NBPF26: variants seen among roughly 807,000 people sequenced by gnomAD.
NBPF26 encodes the protein NBPF member 26, also known as NBPF family member NBPF26.
In NBPF26, 79 loss-of-function variants were observed where a neutral mutation model predicts 119.6. That is an observed-to-expected ratio of 0.66 (90% confidence interval 0.55 to 0.80). The LOEUF is 0.80. Among genes scored for constraint, NBPF26 ranks in the 30% least tolerant of loss-of-function variants. NBPF26 has a pLI of 0.00. For missense variants in NBPF26, 800 were observed against 1,198.2 expected, an observed-to-expected ratio of 0.67 and a Z score of 4.91; for synonymous variants, 299 against 457.7, an observed-to-expected ratio of 0.65 and a Z score of 4.43.
At chr1:120,801,476 A>G (rs1235167789) in intron 4 of NBPF26, among the ~76,000 whole-genome samples, 2 of 96,014 alleles carry the variant, frequency 2.1e-5, no homozygotes, top group African/African-American at 1.4e-4. Context: ...AATAACAGTA[A>G]TAAAGCAAGG....
chr1:120,823,063 A>G (rs2101535182), intron 16 of NBPF26, among the ~76,000 whole-genome samples: 1 of 121,048 alleles, frequency 8.3e-6, no homozygotes, highest in Admixed American at 8.0e-5. Context: ...GTGTACATAA[A>G]CCTAGGACAG....
rs1557993970 is a variant in NBPF26, at chr1:120,840,236, G to C, written c.4104-114G>C. Reference sequence around the variant, plus strand: ...TAAATTTTTTTTTTACCTCATTAATGGATCTATCCTTTTTCTTTTCTAACC... The same window carrying C: ...TAAATTTTTTTTTTACCTCATTAATCGATCTATCCTTTTTCTTTTCTAACC... On this transcript the variant is annotated intron_variant, in intron 29 of 29. Transcript: ENST00000620612. 13 of 1,389,360 alleles carry C rather than the reference G, an allele frequency of 9.4e-6. 2 individuals carry two copies. The highest frequency in any genetic ancestry group is 2.9e-5 in the African/African-American group (1 of 34,718). The allele number at this position is 1,389,360 out of a possible 1,614,324, so 86.1% of individuals were successfully genotyped here. A position where few individuals can be genotyped will look rare whatever the true frequency, so the allele number is the denominator to read the frequency against.
downstream of NBPF26, among the ~76,000 whole-genome samples, chr1:120,842,136 C>T (rs1475601160): frequency 9.1e-6 from 1 of 109,558 alleles, no homozygotes; most frequent in Admixed American, 8.9e-5. Flanking sequence ...TTGTTTTTTA[C>T]ATTCAGTGTT....
intron 1 of NBPF26, among the ~76,000 whole-genome samples, chr1:120,755,891 T>C (rs1288233540): frequency 1.2e-5 from 1 of 86,050 alleles, no homozygotes; most frequent in African/African-American, 8.7e-5. Flanking sequence ...CATAAATCCT[T>C]GGAACACTAT....
In NBPF26 at chr1:120,840,492, G is replaced by T. The variant is rs1553273522; in HGVS notation, c.4246G>T (p.Glu1416Ter). ...AAGTGTGTTTTACTCATTTGAGGAA[G>T]AGCATATCAGCTTCGCCCTTTACGT... The change falls in exon 30 of 30, where the codon GAG becomes TAG. Residue 1416 changes from glutamate (E) to a stop codon, truncating the protein, a stop_gained. Transcript: ENST00000620612. LOFTEE classifies it low-confidence loss of function (END_TRUNC). 2 of 1,479,012 alleles carry T rather than the reference G, an allele frequency of 1.4e-6. No homozygotes were observed. Among genetic ancestry groups the T allele is most frequent in the East Asian group, 4.5e-5 (2 of 44,436 alleles). 91.6% of individuals were successfully genotyped at this position (1,479,012 alleles called of 1,614,324 possible).
At position 120,823,703 on chromosome 1, in the gene NBPF26, C is replaced by A. The variant is rs1391905159; in HGVS notation, c.2640-271C>A. On this transcript the variant is annotated intron_variant, in intron 17 of 29. Coordinates refer to ENST00000620612, the Ensembl canonical transcript of NBPF26. ...CCTGAGAGCACAAATACAGAGTGTC[C>A]TTTGACTCCCTCATCAGTGTGTCAC... Among the ~76,000 whole-genome samples, 5 of 117,222 alleles carry A rather than the reference C, an allele frequency of 4.3e-5. 1 individual carries two copies. The highest frequency in any genetic ancestry group is 8.5e-5 in the Non-Finnish European group (5 of 58,764). 76.9% of individuals were successfully genotyped at this position (117,222 alleles called of 152,430 possible). A position where few individuals can be genotyped will look rare whatever the true frequency, so the allele number is the denominator to read the frequency against.
At chr1:120,832,612 G>C (rs1482246902) in intron 22 of NBPF26, among the ~76,000 whole-genome samples, 12 of 121,078 alleles carry the variant, frequency 9.9e-5, no homozygotes, top group Non-Finnish European at 1.1e-4. Flanking sequence ...TAAAAATATG[G>C]CATAACTGTT....
chr1:120,759,056 G>C (rs1313054958), intron 1 of NBPF26, among the ~76,000 whole-genome samples: 1 of 102,072 alleles, frequency 9.8e-6, no homozygotes, highest in Non-Finnish European at 1.8e-5. Context: ...CCTGAGGACA[G>C]GGAGTTTATT....
chr1:120,805,716 T>C lies in NBPF26; in HGVS notation c.912T>C (p.Cys304=). The change falls in exon 5 of 30, where the codon TGT becomes TGC. Residue 304 remains cysteine (C), a synonymous_variant. Coordinates refer to ENST00000620612, the Ensembl canonical transcript of NBPF26. ...AGTTGAGAAACCTCAAAGAGAAATGTTTTCTAACTCAACTGGCCGGCTTCC... is the reference window on the plus strand; with the variant it reads ...AGTTGAGAAACCTCAAAGAGAAATGCTTTCTAACTCAACTGGCCGGCTTCC... 4.1e-6 allele frequency: 6 copies of C among 1,452,232 alleles called. 1 individual carries two copies. The highest frequency in any genetic ancestry group is 4.6e-6 in the Non-Finnish European group (5 of 1,076,994). The allele number at this position is 1,452,232 out of a possible 1,614,324, so 90.0% of individuals were successfully genotyped here. A position where few individuals can be genotyped will look rare whatever the true frequency, so the allele number is the denominator to read the frequency against.
chr1:120,820,453 T>A lies in NBPF26; in HGVS notation c.2424-1651T>A, dbSNP rs1266107117. On this transcript the variant is annotated intron_variant, in intron 15 of 29. Coordinates refer to ENST00000620612, the Ensembl canonical transcript of NBPF26. Reference sequence around the variant, plus strand: ...TAAGACTTAAAGTATTAAAAATATATATATATATATATATATATATATATA... The same window carrying A: ...TAAGACTTAAAGTATTAAAAATATAAATATATATATATATATATATATATA... Among the ~76,000 whole-genome samples, 63 of 13,420 alleles carry A rather than the reference T, an allele frequency of 4.7e-3. 3 individuals are homozygous for A. The highest frequency in any genetic ancestry group is 0.018 in the East Asian group (12 of 674). The allele number at this position is 13,420 out of a possible 152,430, so 8.8% of individuals were successfully genotyped here.
rs1651162559 is a variant in NBPF26 at position 120,764,070 on chromosome 1, A to T, written c.155+361A>T. 1.8e-5 allele frequency among the ~76,000 whole-genome samples: 2 copies of T among 110,516 alleles called. 1 individual carries two copies. The highest frequency in any genetic ancestry group is 1.1e-4 in the African/African-American group (2 of 18,762). 72.5% of individuals were successfully genotyped at this position (110,516 alleles called of 152,430 possible). ...AAGATCAGCCTGGCCAACATAGTGA[A>T]ACCCTATCTCTACTAAAAATACAAA... On this transcript the variant is annotated intron_variant, in intron 2 of 29. Transcript: ENST00000620612.
intron 4 of NBPF26, among the ~76,000 whole-genome samples, chr1:120,803,211 AAATCAG>A (rs1229718633): frequency 7.6e-6 from 1 of 132,256 alleles, no homozygotes; most frequent in Non-Finnish European, 1.6e-5. Context: ...CTCAAAACAG[AAATCAG>A]AAAAATATGA....
In NBPF26 at chr1:120,816,983, C is replaced by G. The variant is rs1211991955; in HGVS notation, c.2371+156C>G. On this transcript the variant is annotated intron_variant, in intron 14 of 29. Coordinates refer to ENST00000620612, the Ensembl canonical transcript of NBPF26. ...GTTTTTTGTCCTTCTCAGCTAATGT[C>G]ATGACTTTGTCTGCCAGTCCCCAGT... is the stretch of plus-strand genomic sequence containing the variant. Among the ~76,000 whole-genome samples the G allele has an allele frequency of 2.5e-5, 3 of 120,250 alleles. 1 individual carries two copies. The highest frequency in any genetic ancestry group is 4.9e-5 in the Non-Finnish European group (3 of 61,236). 78.9% of individuals were successfully genotyped at this position (120,250 alleles called of 152,430 possible).
intron 23 of NBPF26, among the ~76,000 whole-genome samples, 159 bp from the exon 28 acceptor site, chr1:120,833,444 C>T (rs1652406542): frequency 2.0e-5 from 2 of 99,322 alleles, no homozygotes; most frequent in South Asian, 6.7e-4. Flanking sequence ...CTACCTGGCC[C>T]TGTTCTATCC....
chr1:120,790,535 C>CCTTCCTTCCTTT (rs1256273353), intron 3 of NBPF26, among the ~76,000 whole-genome samples: 1 of 76,630 alleles, frequency 1.3e-5, no homozygotes, highest in East Asian at 3.2e-4. Flanking sequence ...TTTCTCCCTC[C>CCTTCCTTCCTTT]CTTTCTTTCT....
chr1:120,777,418 T>G (rs1452412021), intron 2 of NBPF26, among the ~76,000 whole-genome samples: 1 of 87,970 alleles, frequency 1.1e-5, no homozygotes, highest in African/African-American at 8.1e-5. Context: ...GTAGTCTTTG[T>G]GTATTAGTTG....
chr1:120,801,512 T>C (rs1651580657), intron 4 of NBPF26, among the ~76,000 whole-genome samples: 1 of 67,138 alleles, frequency 1.5e-5, no homozygotes, highest in Admixed American at 1.4e-4. Flanking sequence ...CCATGCCTTG[T>C]ATTTTCATTA....
At chr1:120,823,346 G>C (rs1553272253) in exon 17 of NBPF26, 1 of 1,420,888 alleles carries the variant, frequency 7.0e-7, no homozygotes, top group South Asian at 1.2e-5. Context: ...AGGACCACGA[G>C]GCAACAGGTC....
At chr1:120,833,365 TTCTCTCTGTCTCTGTCTC>T (rs1652401864) in intron 23 of NBPF26, among the ~76,000 whole-genome samples, 1 of 33,526 alleles carries the variant, frequency 3.0e-5, no homozygotes, top group Non-Finnish European at 4.8e-5. Flanking sequence ...CTAGGTCACT[TTCTCTCTGTCTCTGTCTC>T]TCTCTCTGTC....
Sources: gnomAD v4.1 joint callset for allele counts (sites outside exome capture counted in the v4.1 genomes callset) on GRCh38, gnomAD v4.1.1 for gene constraint, MANE v1.5 for transcripts, NCBI Gene and HGNC (gene_info 2026-07-23, HGNC 2026-07-21) for gene names.